Variants in KANK2 observed in about 807,000 individuals in gnomAD.
KANK2 encodes KN motif and ankyrin repeat domain-containing protein 2.
KANK2 carries 41 observed loss-of-function variants against 74.6 expected under a neutral mutation model. That is an observed-to-expected ratio of 0.55 (90% CI 0.43 to 0.71). The LOEUF (loss-of-function observed/expected upper bound fraction) is 0.71, where lower values mean the gene tolerates loss of function less well. Among genes scored for constraint, KANK2 ranks in the 30% least tolerant of loss-of-function variants. KANK2 has a pLI of 0.00. For synonymous variants in KANK2, 537 were observed against 519.0 expected (o/e 1.03, Z -0.47); for missense variants, 1,148 against 1,196.4 (o/e 0.96, Z 0.60).
At position 11,170,132 on chromosome 19, in the gene KANK2, G is replaced by A. The variant is rs759711089; in HGVS notation, c.2328C>T (p.Leu776=). 1.2e-6 allele frequency: 2 copies of A among 1,612,876 alleles called. No individual in the cohort carries two copies. Among genetic ancestry groups the A allele is most frequent in the Non-Finnish European group, 1.7e-6 (2 of 1,180,024 alleles). ...NVQDDDGSTA[L]MCACEHGHKE... Reference sequence around the variant, plus strand: ...TGTGGCCGTGCTCACAGGCGCACATGAGGGCCGTGGAGCCGTCATCATCTT... The same window carrying A: ...TGTGGCCGTGCTCACAGGCGCACATAAGGGCCGTGGAGCCGTCATCATCTT... The change falls in exon 11 of 13, where the codon CTC becomes CTT. Residue 776 remains leucine (L), a synonymous_variant. Coordinates refer to ENST00000586659, the MANE Select transcript of KANK2 (RefSeq NM_001136191.3). The surrounding 1 kb of genome is among the most constrained non-coding windows in gnomAD (Gnocchi z 5.2).
At chr19:11,190,878 C>T (rs1451359874) in intron 4 of KANK2, among the ~76,000 whole-genome samples, 18 of 151,108 alleles carry the variant, frequency 1.2e-4, no homozygotes, top group Admixed American at 2.6e-4. Context: ...TTACAGGTGC[C>T]GGCCACCACG....
chr19:11,184,071 C>A (rs7253916), intron 4 of KANK2, among the ~76,000 whole-genome samples: 72,164 of 151,926 alleles, frequency 0.47, 17,979 homozygotes, highest in African/African-American at 0.61. Flanking sequence ...AATGGTTTTA[C>A]CTATATTCAA....
At chr19:11,179,515 G>C (rs373049389) in intron 4 of KANK2, among the ~76,000 whole-genome samples, 2 of 148,856 alleles carry the variant, frequency 1.3e-5, no homozygotes, top group East Asian at 3.9e-4. Context: ...GGGGATGCCT[G>C]TAATCCCAGC....
intron 4 of KANK2, among the ~76,000 whole-genome samples, chr19:11,181,895 C>T (rs1296810433): frequency 6.7e-6 from 1 of 149,426 alleles, no homozygotes; most frequent in Non-Finnish European, 1.5e-5. Flanking sequence ...ATTACATACT[C>T]AAACATGGAT....
chr19:11,172,380 G>C (rs142385681), intron 10 of KANK2, among the ~76,000 whole-genome samples: 1 of 152,320 alleles, frequency 6.6e-6, no homozygotes, highest in Non-Finnish European at 1.5e-5. Context: ...CCCCGTCACA[G>C]CTCCATTTTG....
intron 4 of KANK2, among the ~76,000 whole-genome samples, chr19:11,184,381 C>CAAAA (rs1450150599): frequency 6.7e-6 from 1 of 149,732 alleles, no homozygotes; most frequent in African/African-American, 2.5e-5. Flanking sequence ...GTCTCAAAAA[C>CAAAA]AAAAACAAAA....
intron 4 of KANK2, among the ~76,000 whole-genome samples, chr19:11,190,783 TGC>T (rs2078819916): frequency 6.6e-6 from 1 of 150,668 alleles, no homozygotes; most frequent in African/African-American, 2.4e-5. Context: ...CAGGCTGGAG[TGC>T]AGTGGCACAA....
chr19:11,176,297 C>T (rs532062205), intron 7 of KANK2, among the ~76,000 whole-genome samples: 1 of 152,168 alleles, frequency 6.6e-6, no homozygotes, highest in Non-Finnish European at 1.5e-5. Flanking sequence ...ATAGAACAGA[C>T]AGGTAGAGGA....
At chr19:11,180,720 C>A (rs1312984720) in intron 4 of KANK2, among the ~76,000 whole-genome samples, 4 of 152,100 alleles carry the variant, frequency 2.6e-5, no homozygotes, top group African/African-American at 9.7e-5. Flanking sequence ...GTGAAACAAA[C>A]AAACATACTG....
At chr19:11,182,581 C>A (rs1283414643) in intron 4 of KANK2, among the ~76,000 whole-genome samples, 2 of 149,398 alleles carry the variant, frequency 1.3e-5, no homozygotes, top group African/African-American at 2.5e-5. Context: ...CGGTGGCTCA[C>A]GATTGTAACC....
At chr19:11,177,054 C>T (rs141770714) in intron 6 of KANK2, among the ~76,000 whole-genome samples, 1 of 151,380 alleles carries the variant, frequency 6.6e-6, no homozygotes, top group South Asian at 2.1e-4. Context: ...CACTGCTTTT[C>T]ACCTCCTGCC....
Position 11,166,493 on chromosome 19 carries a change from C to A in KANK2, c.*65G>T. 6.8e-7 allele frequency: 1 copy of A among 1,469,574 alleles called. No homozygotes were observed. Among genetic ancestry groups the A allele is most frequent in the Non-Finnish European group, 9.5e-7 (1 of 1,049,418 alleles). 91.0% of individuals were successfully genotyped at this position (1,469,574 alleles called of 1,614,324 possible). A position where few individuals can be genotyped will look rare whatever the true frequency, so the allele number is the denominator to read the frequency against. ...GGGGTGGGCCAGGGAGGAACGGGAACAGGGAGGAGACGGGGACAAGGGACG... is the reference window on the plus strand; with the variant it reads ...GGGGTGGGCCAGGGAGGAACGGGAAAAGGGAGGAGACGGGGACAAGGGACG... On this transcript the variant is annotated 3_prime_UTR_variant, in exon 13 of 13. Coordinates refer to ENST00000586659, the MANE Select transcript of KANK2 (RefSeq NM_001136191.3).
intron 4 of KANK2, among the ~76,000 whole-genome samples, chr19:11,189,861 C>T (rs1443628733): frequency 2.6e-5 from 4 of 152,092 alleles, no homozygotes; most frequent in East Asian, 1.9e-4. Flanking sequence ...TCAGAGATTC[C>T]GAGGCTGGGC....
chr19:11,181,636 C>CAG (rs143851449), intron 4 of KANK2, among the ~76,000 whole-genome samples: 2,236 of 151,992 alleles, frequency 0.015, 49 homozygotes, highest in African/African-American at 0.05. Context: ...TTAATGGGGA[C>CAG]AGTTTCAGTT....
chr19:11,183,776 G>C (rs1054033849), intron 4 of KANK2, among the ~76,000 whole-genome samples: 1 of 151,834 alleles, frequency 6.6e-6, no homozygotes, highest in African/African-American at 2.4e-5. Flanking sequence ...TCAGCCTCCC[G>C]AGTAGCTGGG....
intron 7 of KANK2, among the ~76,000 whole-genome samples, chr19:11,176,305 G>A (rs1419701626): frequency 2.0e-5 from 3 of 152,336 alleles, no homozygotes; most frequent in South Asian, 4.1e-4. Flanking sequence ...GACAGGTAGA[G>A]GAAACGTCCC....
chr19:11,178,207 A>C (rs2078400133), intron 6 of KANK2, 138 bp downstream of exon 6: 2 of 773,642 alleles, frequency 2.6e-6, no homozygotes, highest in South Asian at 2.4e-5. Context: ...CAGTTTCCTC[A>C]TCTCTGTGTT....
chr19:11,173,621 TCA>T (rs1317830131), intron 9 of KANK2, among the ~76,000 whole-genome samples: 6 of 152,190 alleles, frequency 3.9e-5, no homozygotes, highest in Non-Finnish European at 5.9e-5. Flanking sequence ...CGTGTTAGGT[TCA>T]CACGTTTCCC....
At position 11,193,748 on chromosome 19, in the gene KANK2, T is replaced by A; in HGVS notation, c.332A>T (p.Tyr111Phe). ...GCCACCGCGGGTCTCCAGAGCACCA[T>A]ACTGAGGGTAGAAGCCACGGCCGCA... ...SYCGRGFYPQ[Y>F]GALETRGGFN... The change falls in exon 4 of 13, where the codon TAT (tyrosine) becomes TTT (phenylalanine). Residue 111 changes from tyrosine to phenylalanine, a missense_variant. Transcript: ENST00000586659. This position sits in a 1 kb window ranked among gnomAD's most constrained non-coding sequence, Gnocchi z 9.6. The A allele has an allele frequency of 6.2e-7, 1 of 1,612,514 alleles. No individual in the cohort carries two copies. Among genetic ancestry groups the A allele is most frequent in the Non-Finnish European group, 8.5e-7 (1 of 1,179,704 alleles).
Sources: allele counts gnomAD v4.1 joint callset (sites outside exome capture counted in the v4.1 genomes callset), GRCh38; gene constraint gnomAD v4.1.1; non-coding constraint Gnocchi (gnomAD v3.1); transcripts MANE v1.5; gene names NCBI Gene and HGNC (gene_info 2026-07-23, HGNC 2026-07-21).